PNPLA6: variants seen among roughly 807,000 people sequenced by gnomAD.
PNPLA6 encodes patatin-like phospholipase domain-containing protein 6.
A neutral mutation model predicts 153.7 loss-of-function variants in PNPLA6; 105 were observed. The observed-to-expected ratio is 0.68, with a 90% confidence interval of 0.58 to 0.80. The LOEUF is 0.80. PNPLA6 is among the 30% of genes least tolerant of loss of function. The pLI, the probability that PNPLA6 is intolerant of heterozygous loss-of-function variation, is 0.00. For missense variants in PNPLA6, 1,423 were observed against 1,919.3 expected, an observed-to-expected ratio of 0.74 and a Z score of 4.83; for synonymous variants, 825 against 822.2, an observed-to-expected ratio of 1.00 and a Z score of -0.06.
rs370961060 is a variant in PNPLA6, at chr19:7,555,789, G to C, written c.3093+26G>C. On this transcript the variant is annotated intron_variant, in intron 24 of 31. Coordinates refer to ENST00000600737, the MANE Select transcript of PNPLA6 (RefSeq NM_001166114.2). The surrounding 1 kb of genome is among the most constrained non-coding windows in gnomAD (Gnocchi z 6.3). ...GTGTGTGTTGCGAGGAGGGATTGCT[G>C]CACCCCAGGAGTGCCATAAAACCCG... 1.5e-5 allele frequency: 24 copies of C among 1,610,090 alleles called. No individual in the cohort carries two copies. In the Middle Eastern group the frequency reaches 6.6e-4, roughly 44 times the overall value.
chr19:7,536,112 G>A (rs918362378), intron 1 of PNPLA6, 79 bp from the exon 2 acceptor site: 2 of 1,548,534 alleles, frequency 1.3e-6, no homozygotes, highest in Non-Finnish European at 1.8e-6. Context: ...ATTTGCTGGC[G>A]TCTGTTCGCG....
chr19:7,540,748 C>T lies in PNPLA6; in HGVS notation c.795+38C>T, dbSNP rs745876850. ...TTTCTGAGGCAGGGGGGCTGGGGTG[C>T]AAGGTCCCACCCAAGGGACTAGGTT... On this transcript the variant is annotated intron_variant, in intron 6 of 31. Coordinates refer to ENST00000600737, the MANE Select transcript of PNPLA6 (RefSeq NM_001166114.2). The surrounding 1 kb of genome is among the most constrained non-coding windows in gnomAD (Gnocchi z 6.8). The T allele has an allele frequency of 2.0e-5, 32 of 1,563,422 alleles. No individual in the cohort carries two copies. Among genetic ancestry groups the T allele is most frequent in the Non-Finnish European group, 2.8e-5 (32 of 1,133,778 alleles).
rs963974254 is a variant in PNPLA6, at chr19:7,541,177, C to T, written c.924+126C>T. The T allele has an allele frequency of 3.2e-6, 4 of 1,241,496 alleles. No homozygotes were observed. The African/African-American group carries it at 5.9e-5, about 18-fold the overall frequency. 76.9% of individuals were successfully genotyped at this position (1,241,496 alleles called of 1,614,324 possible). On this transcript the variant is annotated intron_variant, in intron 7 of 31. Transcript: ENST00000600737. The surrounding 1 kb of genome is among the most constrained non-coding windows in gnomAD (Gnocchi z 5.2). ...TGGAGCTGTGGTTATCGGCCTGGAGCAGCCAGATGTCTGCAGCCGCGGACT... is the reference window on the plus strand; with the variant it reads ...TGGAGCTGTGGTTATCGGCCTGGAGTAGCCAGATGTCTGCAGCCGCGGACT...
chr19:7,555,615 C>T lies in PNPLA6; in HGVS notation c.2945C>T (p.Ser982Leu), dbSNP rs765137215. 4 of 1,611,728 alleles carry T rather than the reference C, an allele frequency of 2.5e-6. No individual in the cohort carries two copies. Among genetic ancestry groups the T allele is most frequent in the Non-Finnish European group, 2.5e-6 (3 of 1,179,558 alleles). ...VLGGGGARGC[S>L]HIGVLKALEE... ...GCCCATTTTCCCGGCAGGGGCTGCT[C>T]GCACATCGGAGTACTAAAGGCATTA... Residue 982 changes from serine to leucine, a missense_variant, in exon 24 of 32, where the codon TCG (serine) becomes TTG (leucine). Physicochemically the swap from Ser to Leu is moderately radical, Grantham distance 145. Around this residue, in one of 10 missense-constraint regions of PNPLA6, gnomAD observed 643 missense variants for 835.2 expected, o/e 0.77. Transcript: ENST00000600737. The surrounding 1 kb of genome is among the most constrained non-coding windows in gnomAD (Gnocchi z 6.3).
rs374239582 is a variant in PNPLA6 at position 7,541,368 on chromosome 19, G to A, written c.939G>A (p.Arg313=). The change falls in exon 8 of 32, where the codon CGG becomes CGA. Residue 313 remains arginine, a synonymous_variant. Transcript: ENST00000600737. This position sits in a 1 kb window ranked among gnomAD's most constrained non-coding sequence, Gnocchi z 5.2. The part of the protein sequence containing the change: ...LVRVVQIIMV[R]LQRVTFLALH... ...GAGCCCTGCAGATCATCATGGTGCG[G>A]CTGCAGCGAGTCACCTTCCTGGCAC... 3 of 1,613,698 alleles carry A rather than the reference G, an allele frequency of 1.9e-6. No individual in the cohort carries two copies. The highest frequency in any genetic ancestry group is 2.5e-6 in the Non-Finnish European group (3 of 1,179,828).
Position 7,550,529 on chromosome 19 carries a change from C to T in PNPLA6, c.1959C>T (p.Arg653=). ...AGRALYRQGD[R]SDCTYIVLNG... Reference sequence around the variant, plus strand: ...CACGCCCACTCAGGCAGGGCGACCGCTCCGACTGCACTTACATCGTGCTCA... The same window carrying T: ...CACGCCCACTCAGGCAGGGCGACCGTTCCGACTGCACTTACATCGTGCTCA... The change falls in exon 16 of 32, where the codon CGC becomes CGT. Residue 653 remains arginine, a synonymous_variant. Transcript: ENST00000600737. 3 of 1,613,168 alleles carry T rather than the reference C, an allele frequency of 1.9e-6. No individual in the cohort carries two copies. In the South Asian group the frequency reaches 3.3e-5, roughly 18 times the overall value.
In PNPLA6 at chr19:7,554,615, A is replaced by G; in HGVS notation, c.2526A>G (p.Val842=). The G allele has an allele frequency of 1.2e-6, 2 of 1,613,588 alleles. No individual in the cohort carries two copies. The highest frequency in any genetic ancestry group is 1.7e-6 in the Non-Finnish European group (2 of 1,179,908). ...LAQQEDAHRI[V]LYQTDASLTP... ...AGCAGGAGGATGCACACCGTATCGT[A>G]CTCTACCAGACGGACGCCTCGCTGA... The change falls in exon 21 of 32, where the codon GTA becomes GTG. Residue 842 remains valine (V), a synonymous_variant. Coordinates refer to ENST00000600737, the MANE Select transcript of PNPLA6 (RefSeq NM_001166114.2).
chr19:7,554,800 T>G, intron 21 of PNPLA6, 77 bp downstream of exon 21: 1 of 1,589,650 alleles, frequency 6.3e-7, no homozygotes, highest in Non-Finnish European at 8.5e-7. Context: ...CCAGGCCACG[T>G]GCACCCTCGC....
intron 24 of PNPLA6, 123 bp from the exon 25 acceptor site, chr19:7,556,330 G>A: frequency 1.3e-6 from 1 of 772,274 alleles, no homozygotes; most frequent in Non-Finnish European, 2.4e-6. Context: ...CCAAAGTGCT[G>A]GGATTACCAG....
rs780234609 is a variant in PNPLA6, at chr19:7,536,470, C to A, written c.337C>A (p.Leu113Ile). ...MRKVSQSTSS[L>I]VDTSVSATSR... ...CCAGGTGTCACAATCCACCTCCTCCCTCGTGGATACCTCTGTCTCCGCCAC... is the reference window on the plus strand; with the variant it reads ...CCAGGTGTCACAATCCACCTCCTCCATCGTGGATACCTCTGTCTCCGCCAC... Residue 113 changes from leucine to isoleucine, a missense_variant, in exon 3 of 32, where the codon CTC becomes ATC. Coordinates refer to ENST00000600737, the MANE Select transcript of PNPLA6 (RefSeq NM_001166114.2). 11 of 1,612,954 alleles carry A rather than the reference C, an allele frequency of 6.8e-6. No homozygotes were observed. The highest frequency in any genetic ancestry group is 1.1e-5 in the South Asian group (1 of 91,080).
At chr19:7,548,385 A>T (rs2023479353) in intron 13 of PNPLA6, among the ~76,000 whole-genome samples, 1 of 123,232 alleles carries the variant, frequency 8.1e-6, no homozygotes, top group Non-Finnish European at 1.7e-5. Flanking sequence ...ATAGCTGATG[A>T]GCTAAAAGAA....
chr19:7,555,455 T>C lies in PNPLA6; in HGVS notation c.2936+88T>C. On this transcript the variant is annotated intron_variant, in intron 23 of 31. Transcript: ENST00000600737. This position sits in a 1 kb window ranked among gnomAD's most constrained non-coding sequence, Gnocchi z 6.3. ...AGAAACCGTGGGGGCGGGGCCTGGG[T>C]GTTCGAGGGTGGAGCTTCCCCTCCG... 1 of 1,319,528 alleles carries C rather than the reference T, an allele frequency of 7.6e-7. No homozygotes were observed. The highest frequency in any genetic ancestry group is 1.1e-6 in the Non-Finnish European group (1 of 951,342). The allele number at this position is 1,319,528 out of a possible 1,614,324, so 81.7% of individuals were successfully genotyped here.
In PNPLA6 at chr19:7,550,576, T is replaced by G. The variant is rs1168415207; in HGVS notation, c.2006T>G (p.Ile669Ser). The change falls in exon 16 of 32, where the codon ATC (isoleucine) becomes AGC (serine). Residue 669 changes from isoleucine (I) to serine (S), a missense_variant. Physicochemically the swap from Ile to Ser is moderately radical, Grantham distance 142. Transcript: ENST00000600737. ...CTCAATGGGCGGCTGCGTAGCGTGA[T>G]CCAGCGAGGCAGTGGCAAGAAGGAG... is the stretch of plus-strand genomic sequence containing the variant. The part of the protein sequence containing the change: ...IVLNGRLRSV[I>S]QRGSGKKELV... The G allele has an allele frequency of 6.2e-7, 1 of 1,613,192 alleles. No individual in the cohort carries two copies. The highest frequency in any genetic ancestry group is 1.1e-5 in the South Asian group (1 of 91,062).
At position 7,556,448 on chromosome 19, in the gene PNPLA6, C is replaced by T. The variant is rs116788699; in HGVS notation, c.3094-5C>T. 1.9e-3 allele frequency: 2,977 copies of T among 1,589,704 alleles called. 39 individuals are homozygous for T. The African/African-American group carries it at 0.035, about 19-fold the overall frequency. The stretch of plus-strand genomic sequence containing the variant: ...ATTTGACCCTGTCTGGCCCCTTGTC[C>T]CTAGAGCATGACTTCGGTGCTGGAA... On this transcript the variant is annotated splice_region_variant and splice_polypyrimidine_tract_variant and intron_variant, in intron 24 of 31. Transcript: ENST00000600737.
intron 16 of PNPLA6, 42 bp from the exon 17 acceptor site, chr19:7,550,952 T>TTCC: frequency 7.1e-7 from 1 of 1,401,190 alleles, no homozygotes; most frequent in South Asian, 1.2e-5. Flanking sequence ...GGCCTCCTCA[T>TTCC]TCCCCACCCA....
intron 14 of PNPLA6, 52 bp downstream of exon 14, chr19:7,550,164 G>A: frequency 1.2e-6 from 2 of 1,609,366 alleles, no homozygotes; most frequent in Non-Finnish European, 1.7e-6. Flanking sequence ...ACCCCAACCC[G>A]TGGGAGTGGC....
rs17854645 is a variant in PNPLA6, at chr19:7,542,022, G to C, written c.1207G>C (p.Ala403Pro). The C allele has an allele frequency of 0.19, 305,860 of 1,607,380 alleles. 31,252 individuals are homozygous for C. Among genetic ancestry groups the C allele is most frequent in the Middle Eastern group, 0.25 (1,492 of 6,018 alleles). Residue 403 changes from alanine to proline, a missense_variant, in exon 10 of 32, where the codon GCC (alanine) becomes CCC (proline). Coordinates refer to ENST00000600737, the MANE Select transcript of PNPLA6 (RefSeq NM_001166114.2). The part of the protein sequence containing the change: ...VKPTSLETPS[A>P]PLLSRCVSMP... ...GCCCACATCCCTGGAAACCCCCTCGGCCCCTCTGCTGAGCCGCTGCGTCTC... is the reference window on the plus strand; with the variant it reads ...GCCCACATCCCTGGAAACCCCCTCGCCCCCTCTGCTGAGCCGCTGCGTCTC...
chr19:7,542,552 T>A lies in PNPLA6; in HGVS notation c.1253-9T>A. ...TTATGGTTTTTGTTGCCCCCCTGCC[T>A]GCCTGCAGGCTTGCAGGGTGGCCCC... On this transcript the variant is annotated splice_polypyrimidine_tract_variant and intron_variant, in intron 10 of 31. Transcript: ENST00000600737. 6.2e-7 allele frequency: 1 copy of A among 1,604,280 alleles called. No homozygotes were observed.
At position 7,542,834 on chromosome 19, in the gene PNPLA6, C is replaced by T. The variant is rs762809444; in HGVS notation, c.1436C>T (p.Thr479Ile). ...AGCTACTGTGAGGATGAGTCGGCCA[C>T]TGGTGGCTGCCCTTTCGGGCCCTAC... ...EYSYCEDESA[T>I]GGCPFGPYQG... The change falls in exon 12 of 32, where the codon ACT (threonine) becomes ATT (isoleucine). Residue 479 changes from threonine to isoleucine, a missense_variant. Physicochemically the swap from Thr to Ile is moderately conservative, Grantham distance 89 (BLOSUM62 -1). Coordinates refer to ENST00000600737, the MANE Select transcript of PNPLA6 (RefSeq NM_001166114.2). 6.2e-7 allele frequency: 1 copy of T among 1,613,046 alleles called. No individual in the cohort carries two copies. Among genetic ancestry groups the T allele is most frequent in the East Asian group, 2.2e-5 (1 of 44,884 alleles).
Sources: allele counts gnomAD v4.1 joint callset (sites outside exome capture counted in the v4.1 genomes callset), GRCh38; gene constraint gnomAD v4.1.1; regional missense constraint gnomAD v4.1.1; non-coding constraint Gnocchi (gnomAD v3.1); transcripts MANE v1.5; gene names NCBI Gene and HGNC (gene_info 2026-07-23, HGNC 2026-07-21).